C2orf76: variants seen among roughly 807,000 people sequenced by gnomAD.
C2orf76 encodes the protein UPF0538 protein C2orf76.
C2orf76 carries 23 observed loss-of-function variants against 16.9 expected under a neutral mutation model. The ratio of observed to expected loss-of-function variants is 1.36; its 90% CI spans 0.98 to 1.93. The LOEUF (loss-of-function observed/expected upper bound fraction) is 1.93. Among genes scored for constraint, C2orf76 ranks in the 30% most tolerant of loss-of-function variants. The probability of loss-of-function intolerance (pLI) is 0.00; values close to 1 mark genes in which losing one functional copy is unlikely to be tolerated. For missense variants in C2orf76, 152 were observed against 152.6 expected (o/e 1.00, Z 0.02); for synonymous variants, 48 against 52.3 (o/e 0.92, Z 0.35).
the C2orf76 span, among the ~76,000 whole-genome samples, chr2:119,284,578 G>A: frequency 1.3e-5 from 2 of 151,710 alleles, no homozygotes; most frequent in East Asian, 1.9e-4. Flanking sequence ...CAAAAATACC[G>A]TTCCAGGTTT....
At chr2:119,328,477 G>C (rs1679578580) in intron 2 of C2orf76, among the ~76,000 whole-genome samples, 1 of 152,118 alleles carries the variant, frequency 6.6e-6, no homozygotes. Context: ...TGTCACTCCT[G>C]ATACTGGTAA....
At chr2:119,311,762 G>A in intron 4 of C2orf76, 59 bp from the exon 5 acceptor site, 1 of 1,457,076 alleles carries the variant, frequency 6.9e-7, no homozygotes, top group South Asian at 1.2e-5. Flanking sequence ...TGTTTGGTGA[G>A]ACTTCTCAAA....
chr2:119,289,641 G>A, the C2orf76 span, among the ~76,000 whole-genome samples: 2 of 151,018 alleles, frequency 1.3e-5, no homozygotes, highest in East Asian at 1.9e-4. Flanking sequence ...AGCCGAGATC[G>A]TACCACTGCA....
rs1322261136 is a variant in C2orf76, at chr2:119,302,308, GAA to G, written c.*162_*163del. Reference sequence around the variant, plus strand: ...ATTATTTTACAACAACAAAGAAAAAGAAAGAGAGAAGGAAAGACCTGAAGAGA... The same window carrying G: ...ATTATTTTACAACAACAAAGAAAAAGAGAGAGAAGGAAAGACCTGAAGAGA... On this transcript the variant is annotated 3_prime_UTR_variant, in exon 6 of 6. Transcript: ENST00000334816. 1.1e-4 allele frequency: 36 copies of G among 329,332 alleles called. No homozygotes were observed. The African/African-American group carries it at 2.0e-3, about 18-fold the overall frequency. The allele number at this position is 329,332 out of a possible 1,614,324, so 20.4% of individuals were successfully genotyped here.
chr2:119,319,841 G>A (rs892109541), intron 3 of C2orf76, among the ~76,000 whole-genome samples: 7 of 152,156 alleles, frequency 4.6e-5, no homozygotes, highest in African/African-American at 1.4e-4. Context: ...CCCGCAGACC[G>A]TGAGGTGGCA....
At chr2:119,342,379 G>A (rs1333430668) in intron 1 of C2orf76, among the ~76,000 whole-genome samples, 1 of 152,116 alleles carries the variant, frequency 6.6e-6, no homozygotes, top group Non-Finnish European at 1.5e-5. Context: ...GGGAGGCCGA[G>A]GCGGAAGGAT....
intron 4 of C2orf76, among the ~76,000 whole-genome samples, chr2:119,316,519 C>T (rs1257886555): frequency 1.3e-5 from 2 of 152,162 alleles, no homozygotes; most frequent in African/African-American, 4.8e-5. Context: ...TTTTAAAACA[C>T]AGTTACTAAT....
intron 1 of C2orf76, among the ~76,000 whole-genome samples, chr2:119,344,256 T>C (rs1446027975): frequency 6.6e-6 from 1 of 152,198 alleles, no homozygotes; most frequent in African/African-American, 2.4e-5. Context: ...ATAGGCTTGT[T>C]TGCCTAGAGG....
chr2:119,349,280 A>C (rs1680305467), intron 1 of C2orf76, among the ~76,000 whole-genome samples: 1 of 152,246 alleles, frequency 6.6e-6, no homozygotes, highest in African/African-American at 2.4e-5. Flanking sequence ...ATCAACAATA[A>C]GTTATTTTTA....
At chr2:119,345,888 C>A (rs571578345) in intron 1 of C2orf76, among the ~76,000 whole-genome samples, 5 of 151,614 alleles carry the variant, frequency 3.3e-5, no homozygotes, top group Non-Finnish European at 2.9e-5. Context: ...GGTGAAACCC[C>A]GTCTCTACTA....
chr2:119,367,047 C>T (rs1681048575), upstream of C2orf76: 1 of 1,614,094 alleles, frequency 6.2e-7, no homozygotes, highest in Non-Finnish European at 8.5e-7. Flanking sequence ...TGCAAGTCGG[C>T]CAGGATGTCT....
At chr2:119,360,100 AGACCCTC>A (rs1487788997) in intron 1 of C2orf76, among the ~76,000 whole-genome samples, 10 of 152,234 alleles carry the variant, frequency 6.6e-5, no homozygotes, top group Non-Finnish European at 1.2e-4. Context: ...CATTGAGGCA[AGACCCTC>A]GACCAGCAAA....
intron 4 of C2orf76, among the ~76,000 whole-genome samples, chr2:119,316,638 G>T (rs1679181142): frequency 1.5e-5 from 2 of 134,924 alleles, no homozygotes; most frequent in African/African-American, 5.0e-5. Flanking sequence ...AGAAGACAAT[G>T]AAATAAAATG....
chr2:119,357,118 G>C (rs1482042375), intron 1 of C2orf76, among the ~76,000 whole-genome samples: 1 of 152,064 alleles, frequency 6.6e-6, no homozygotes, highest in Admixed American at 6.6e-5. Flanking sequence ...TTTCACTAGA[G>C]AACTCTACAA....
intron 5 of C2orf76, among the ~76,000 whole-genome samples, chr2:119,310,669 C>T (rs1352727439): frequency 2.6e-5 from 4 of 152,062 alleles, no homozygotes; most frequent in East Asian, 1.9e-4. Context: ...GTTAGAAATT[C>T]GAGACCAGTC....
chr2:119,283,587 G>A, the C2orf76 span, among the ~76,000 whole-genome samples: 9 of 152,054 alleles, frequency 5.9e-5, no homozygotes. Context: ...CGATTCTCCT[G>A]CCCCAGCCTC....
intron 1 of C2orf76, among the ~76,000 whole-genome samples, chr2:119,363,158 C>A (rs529870913): frequency 6.6e-6 from 1 of 152,292 alleles, no homozygotes; most frequent in African/African-American, 2.4e-5. Flanking sequence ...GGCGACATGG[C>A]TCACGCCTGT....
At chr2:119,318,318 G>A (rs1035293319) in intron 3 of C2orf76, among the ~76,000 whole-genome samples, 2 of 152,082 alleles carry the variant, frequency 1.3e-5, no homozygotes, top group Admixed American at 1.3e-4. Context: ...GTGTATTATT[G>A]AATAAACTCC....
chr2:119,366,271 A>C (rs1680982545), intron 1 of C2orf76: 1 of 379,446 alleles, frequency 2.6e-6, no homozygotes, highest in Non-Finnish European at 5.2e-6. Flanking sequence ...ACAGCCATTC[A>C]TTTAACAAAT....
Sources: gnomAD v4.1 joint callset for allele counts (sites outside exome capture counted in the v4.1 genomes callset) on GRCh38, gnomAD v4.1.1 for gene constraint, MANE v1.5 for transcripts, NCBI Gene and HGNC (gene_info 2026-07-23, HGNC 2026-07-21) for gene names.